The following IGF2BP2 variants were observed in gnomAD, a reference collection of about 807,000 sequenced individuals.
IGF2BP2 encodes the protein insulin-like growth factor 2 mRNA-binding protein 2.
In IGF2BP2, 17 loss-of-function variants were observed where a neutral mutation model predicts 75.8. The observed-to-expected ratio is 0.22, with a 90% CI of 0.15 to 0.34. The LOEUF (loss-of-function observed/expected upper bound fraction) is 0.34. Among genes scored for constraint, IGF2BP2 ranks in the 10% least tolerant of loss-of-function variants. The pLI, the probability that IGF2BP2 is intolerant of heterozygous loss-of-function variation, is 1.00. For missense variants in IGF2BP2, 516 were observed against 772.4 expected (o/e 0.67, Z 3.93); for synonymous variants, 288 against 295.6 (o/e 0.97, Z 0.26).
intron 2 of IGF2BP2, among the ~76,000 whole-genome samples, chr3:185,763,824 C>T (rs1164779171): frequency 6.6e-6 from 1 of 152,010 alleles, no homozygotes; most frequent in African/African-American, 2.4e-5. Flanking sequence ...AAGTCTTTTA[C>T]AGGATGTATG....
chr3:185,775,486 A>C (rs1290463290), intron 2 of IGF2BP2, among the ~76,000 whole-genome samples: 2 of 152,210 alleles, frequency 1.3e-5, no homozygotes, highest in Non-Finnish European at 2.9e-5. Flanking sequence ...GCTAGAACAG[A>C]GATGTACATA....
chr3:185,760,408 CAA>C (rs1732200674), intron 2 of IGF2BP2, among the ~76,000 whole-genome samples: 1 of 152,122 alleles, frequency 6.6e-6, no homozygotes, highest in Non-Finnish European at 1.5e-5. Context: ...ATTCACATCA[CAA>C]AACTCACCCA....
At chr3:185,718,311 T>C (rs974267743) in intron 2 of IGF2BP2, 3 of 152,154 alleles carry the variant, frequency 2.0e-5, no homozygotes, top group Non-Finnish European at 4.4e-5. Context: ...CTTGGACTAG[T>C]GGGGCAGATA....
chr3:185,710,316 A>C (rs1003450337), intron 2 of IGF2BP2, among the ~76,000 whole-genome samples: 1 of 152,166 alleles, frequency 6.6e-6, no homozygotes, highest in Non-Finnish European at 1.5e-5. Flanking sequence ...TATTGTGTGC[A>C]TAACAGCATG....
chr3:185,821,762 T>G (rs1431805812), intron 2 of IGF2BP2, among the ~76,000 whole-genome samples: 1 of 152,196 alleles, frequency 6.6e-6, no homozygotes, highest in Non-Finnish European at 1.5e-5. Flanking sequence ...TTCAATATAT[T>G]CATTCTGCAA....
chr3:185,770,442 C>T (rs965249340), intron 2 of IGF2BP2, among the ~76,000 whole-genome samples: 8 of 152,222 alleles, frequency 5.3e-5, no homozygotes, highest in African/African-American at 1.7e-4. Context: ...GGATTTTATA[C>T]ATTGGAAAGT....
intron 7 of IGF2BP2, among the ~76,000 whole-genome samples, chr3:185,677,068 TAGAGAGAGAGAGAGAGAGAGAGAG>T (rs71164535): frequency 5.6e-5 from 2 of 35,862 alleles, no homozygotes; most frequent in African/African-American, 1.6e-4. Flanking sequence ...TATATATATA[TAGAGAGAGAGAGAGAGAGAGAGAG>T]AGAGAGAGAG....
intron 2 of IGF2BP2, chr3:185,713,352 A>G: frequency 5.9e-6 from 3 of 512,004 alleles, no homozygotes; most frequent in South Asian, 4.3e-5. Flanking sequence ...TTAAAATAAT[A>G]TGCTTTAGCA....
intron 12 of IGF2BP2, among the ~76,000 whole-genome samples, chr3:185,654,589 C>A (rs1411064595): frequency 6.6e-6 from 1 of 152,234 alleles, no homozygotes; most frequent in African/African-American, 2.4e-5. Context: ...CTGCCTGGCA[C>A]TGGCCAGCCT....
chr3:185,707,295 C>CTTTTTTTTTTTTTTTTTT (rs1159568857), intron 2 of IGF2BP2, among the ~76,000 whole-genome samples: 1 of 39,846 alleles, frequency 2.5e-5, no homozygotes, highest in African/African-American at 1.1e-4. Flanking sequence ...AACGAAGGGG[C>CTTTTTTTTTTTTTTTTTT]TTTTTTTTTT....
At chr3:185,677,051 A>ATTTT (rs1211224914) in intron 7 of IGF2BP2, among the ~76,000 whole-genome samples, 1 of 49,912 alleles carries the variant, frequency 2.0e-5, no homozygotes, top group Non-Finnish European at 3.8e-5. Flanking sequence ...GGAGATATAT[A>ATTTT]TATATATATA....
At chr3:185,750,833 TA>T (rs1477410756) in intron 2 of IGF2BP2, among the ~76,000 whole-genome samples, 1 of 152,242 alleles carries the variant, frequency 6.6e-6, no homozygotes, top group Non-Finnish European at 1.5e-5. Context: ...CCAGCCATCA[TA>T]AATCAGCCAA....
chr3:185,661,234 A>G (rs931859687), intron 10 of IGF2BP2, among the ~76,000 whole-genome samples: 32 of 152,212 alleles, frequency 2.1e-4, no homozygotes, highest in African/African-American at 7.2e-4. Flanking sequence ...CACTACCTCT[A>G]CAAGTTGGAA....
At chr3:185,820,695 TCTC>T (rs1247654752) in intron 2 of IGF2BP2, among the ~76,000 whole-genome samples, 4 of 151,970 alleles carry the variant, frequency 2.6e-5, no homozygotes, top group African/African-American at 9.7e-5. Flanking sequence ...GATAAAAACA[TCTC>T]CTCCCAAACT....
chr3:185,774,361 C>T (rs547363022), intron 2 of IGF2BP2, among the ~76,000 whole-genome samples: 3 of 152,116 alleles, frequency 2.0e-5, no homozygotes, highest in East Asian at 1.9e-4. Flanking sequence ...TTTGGGAGGC[C>T]GAGGTGGGCG....
chr3:185,684,376 C>T (rs1720816321), intron 7 of IGF2BP2, among the ~76,000 whole-genome samples: 1 of 151,902 alleles, frequency 6.6e-6, no homozygotes, highest in Non-Finnish European at 1.5e-5. Flanking sequence ...TTGGATACTA[C>T]ATTTTTCCAC....
intron 7 of IGF2BP2, 79 bp from the exon 8 acceptor site, chr3:185,675,992 C>T (rs757571998): frequency 3.1e-5 from 48 of 1,539,308 alleles, no homozygotes; most frequent in Middle Eastern, 1.7e-4. Flanking sequence ...TTGCTTTTTT[C>T]TTATAAATGG....
chr3:185,750,474 C>T (rs1330767493), intron 2 of IGF2BP2, among the ~76,000 whole-genome samples: 3 of 152,186 alleles, frequency 2.0e-5, no homozygotes, highest in African/African-American at 7.2e-5. Flanking sequence ...GTAAGACACA[C>T]CTGAGTATCT....
chr3:185,766,460 G>C (rs962849449), intron 2 of IGF2BP2, among the ~76,000 whole-genome samples: 7 of 151,880 alleles, frequency 4.6e-5, no homozygotes, highest in Admixed American at 2.0e-4. Flanking sequence ...AAAATAAAAA[G>C]AATATTCCGT....
Sources: allele counts gnomAD v4.1 joint callset (sites outside exome capture counted in the v4.1 genomes callset), GRCh38; gene constraint gnomAD v4.1.1; transcripts MANE v1.5; gene names NCBI Gene and HGNC (gene_info 2026-07-23, HGNC 2026-07-21).